FCGR2B: variants seen among roughly 807,000 people sequenced by gnomAD.
FCGR2B encodes Fc gamma receptor IIb.
A neutral mutation model predicts 24.8 loss-of-function variants in FCGR2B; 18 were observed. That is an observed-to-expected ratio of 0.73 (90% CI 0.50 to 1.08). FCGR2B has a LOEUF of 1.08. Ranked by LOEUF, FCGR2B falls within the 50% of genes least tolerant of loss-of-function variation. FCGR2B has a pLI of 0.00. For synonymous variants in FCGR2B, 79 were observed against 109.8 expected (o/e 0.72, Z 1.75); for missense variants, 215 against 297.6 (o/e 0.72, Z 2.04).
the FCGR2B span, among the ~76,000 whole-genome samples, chr1:161,654,990 A>G: frequency 1.4e-5 from 2 of 142,536 alleles, no homozygotes; most frequent in African/African-American, 4.9e-5. Flanking sequence ...GGCCAAGTCC[A>G]AAATGAAAAA....
At chr1:161,674,564 G>A (rs895670195) in intron 5 of FCGR2B, 2 of 222,468 alleles carry the variant, frequency 9.0e-6, no homozygotes, top group African/African-American at 4.6e-5. Context: ...ACCCAAGTGA[G>A]TCACTCCACC....
chr1:161,673,183 A>G lies in FCGR2B; in HGVS notation c.600A>G (p.Ile200Met). Residue 200 changes from isoleucine to methionine, a missense_variant, in exon 4 of 8, where the codon ATA (isoleucine) becomes ATG (methionine). Physicochemically the swap from Ile to Met is conservative, Grantham distance 10 (BLOSUM62 1). Transcript: ENST00000358671. ...GTGATTACCACTGCACAGGAAACAT[A>G]GGCTACACGCTGTACTCATCCAAGC... is the stretch of plus-strand genomic sequence containing the variant. ...HSGDYHCTGN[I>M]GYTLYSSKPV... 6.2e-7 allele frequency: 1 copy of G among 1,610,712 alleles called. No individual in the cohort carries two copies. The highest frequency in any genetic ancestry group is 8.5e-7 in the Non-Finnish European group (1 of 1,178,538).
At chr1:161,654,277 C>T in the FCGR2B span, among the ~76,000 whole-genome samples, 1 of 130,590 alleles carries the variant, frequency 7.7e-6, no homozygotes, top group Non-Finnish European at 1.8e-5. Context: ...TTTCAGTGAT[C>T]CTAGATCTCA....
At chr1:161,654,416 AT>A in the FCGR2B span, among the ~76,000 whole-genome samples, 2 of 136,564 alleles carry the variant, frequency 1.5e-5, 1 homozygote, top group African/African-American at 4.9e-5. Context: ...TCCAGGTGTA[AT>A]GGGCTCTTTT....
the FCGR2B span, among the ~76,000 whole-genome samples, chr1:161,647,534 CAGG>C: frequency 1.3e-5 from 2 of 150,340 alleles, no homozygotes; most frequent in Non-Finnish European, 1.5e-5. Context: ...CTCCTGACCT[CAGG>C]TGATTCCCCC....
the FCGR2B span, among the ~76,000 whole-genome samples, chr1:161,653,285 C>T: frequency 7.5e-6 from 1 of 132,522 alleles, no homozygotes; most frequent in African/African-American, 2.6e-5. Flanking sequence ...CACCTGTAAT[C>T]CCAGTTACTT....
the FCGR2B span, among the ~76,000 whole-genome samples, chr1:161,647,295 CTCT>C: frequency 7.6e-6 from 1 of 131,560 alleles, no homozygotes; most frequent in East Asian, 2.1e-4. Context: ...TTGCTCTGGA[CTCT>C]TTTTTTTTTT....
chr1:161,661,366 G>A (rs1402456377), upstream of FCGR2B, among the ~76,000 whole-genome samples: 1 of 129,774 alleles, frequency 7.7e-6, no homozygotes, highest in Non-Finnish European at 1.6e-5. Flanking sequence ...TTTACCGAGA[G>A]CAAGACAGCA....
At chr1:161,648,111 T>C in the FCGR2B span, among the ~76,000 whole-genome samples, 2 of 150,050 alleles carry the variant, frequency 1.3e-5, no homozygotes, top group Non-Finnish European at 3.0e-5. Flanking sequence ...AAGAATAGGA[T>C]TGGGCAGAAT....
At chr1:161,669,574 C>CAAAATAAAAT (rs3039548) in intron 1 of FCGR2B, among the ~76,000 whole-genome samples, 4,262 of 122,764 alleles carry the variant, frequency 0.035, 276 homozygotes, top group African/African-American at 0.061. Context: ...TGTCCCCCCA[C>CAAAATAAAAT]AAAATAAAAT....
chr1:161,647,297 C>CTTTTTTTTTTTTTTT, the FCGR2B span, among the ~76,000 whole-genome samples: 1 of 122,546 alleles, frequency 8.2e-6, no homozygotes, highest in African/African-American at 3.3e-5. Flanking sequence ...GCTCTGGACT[C>CTTTTTTTTTTTTTTT]TTTTTTTTTT....
chr1:161,661,155 GAAGA>G (rs200784434), upstream of FCGR2B, among the ~76,000 whole-genome samples: 40,015 of 89,084 alleles, frequency 0.45, 5,831 homozygotes, highest in Non-Finnish European at 0.47. Flanking sequence ...AGAAAGAAAG[GAAGA>G]AAGAAAGAAA....
At chr1:161,661,224 A>G (rs6686619), upstream of FCGR2B, among the ~76,000 whole-genome samples, 112 of 78,070 alleles carry the variant, frequency 1.4e-3, 20 homozygotes, top group Middle Eastern at 5.6e-3. Context: ...GAAAGAAAGA[A>G]AGAAAGAAAG....
the FCGR2B span, among the ~76,000 whole-genome samples, chr1:161,649,690 G>A: frequency 6.7e-6 from 1 of 149,956 alleles, no homozygotes; most frequent in Non-Finnish European, 1.5e-5. Context: ...GAGTCTGCTG[G>A]CACCTTGATC....
intron 3 of FCGR2B, chr1:161,672,713 A>T (rs1681776891): frequency 5.2e-6 from 3 of 571,732 alleles, no homozygotes; most frequent in Admixed American, 3.1e-5. Context: ...TGTATCCTGA[A>T]CACCTATTAT....
At chr1:161,677,035 C>T in intron 6 of FCGR2B, 1 of 470,228 alleles carries the variant, frequency 2.1e-6, no homozygotes, top group Non-Finnish European at 3.7e-6. Context: ...TCTCAGATCC[C>T]AAGCCTCCCT....
At position 161,677,579 on chromosome 1, in the gene FCGR2B, G is replaced by A. The variant is rs923852223; in HGVS notation, c.*26G>A. 1.9e-6 allele frequency: 3 copies of A among 1,557,132 alleles called. No homozygotes were observed. In the African/African-American group the frequency reaches 4.1e-5, roughly 21 times the overall value. On this transcript the variant is annotated 3_prime_UTR_variant, in exon 8 of 8. Coordinates refer to ENST00000358671, the MANE Select transcript of FCGR2B (RefSeq NM_001394477.1). ...TCTCCATTGTCTTGCATTGGGATTT[G>A]AGAAGAAAATCAGAGAGGGAAGATC...
intron 6 of FCGR2B, chr1:161,675,518 A>T (rs776419379): frequency 1.4e-4 from 66 of 469,704 alleles, no homozygotes; most frequent in Admixed American, 5.6e-4. Flanking sequence ...TGAGAAGAGA[A>T]ACACCAGTCC....
chr1:161,674,003 T>C lies in FCGR2B; in HGVS notation c.690T>C (p.Thr230=). ...TGGGGATCATTGTGGCTGTGGTCAC[T>C]GGGATTGCTGTAGCGGCCATTGTTG... ...SPMGIIVAVV[T]GIAVAAIVAA... is the part of the protein sequence containing the mutation. The change falls in exon 5 of 8, where the codon ACT becomes ACC. Residue 230 remains threonine (T), a synonymous_variant. Transcript: ENST00000358671. The C allele has an allele frequency of 1.9e-6, 1 of 521,596 alleles. No homozygotes were observed. Among genetic ancestry groups the C allele is most frequent in the South Asian group, 2.1e-5 (1 of 47,444 alleles). 32.3% of individuals were successfully genotyped at this position (521,596 alleles called of 1,614,324 possible).
Sources: gnomAD v4.1 joint callset for allele counts (sites outside exome capture counted in the v4.1 genomes callset) on GRCh38, gnomAD v4.1.1 for gene constraint, MANE v1.5 for transcripts, NCBI Gene and HGNC (gene_info 2026-07-23, HGNC 2026-07-21) for gene names.